The following KIF13B variants were observed in gnomAD, a reference collection of about 807,000 sequenced individuals.
KIF13B encodes the protein kinesin-like protein KIF13B.
Under a neutral mutation model 222.0 loss-of-function variants are expected in KIF13B, and 127 were observed. That is an observed-to-expected ratio of 0.57 (90% CI 0.50 to 0.66). The LOEUF (loss-of-function observed/expected upper bound fraction) is 0.66, where lower values mean the gene tolerates loss of function less well. Among genes scored for constraint, KIF13B ranks in the 30% least tolerant of loss-of-function variants. KIF13B has a pLI of 0.00. For synonymous variants in KIF13B, 976 were observed against 919.0 expected, an observed-to-expected ratio of 1.06 and a Z score of -1.12; for missense variants, 2,173 against 2,379.0, an observed-to-expected ratio of 0.91 and a Z score of 1.80.
chr8:29,249,352 A>C (rs28698018), intron 1 of KIF13B, among the ~76,000 whole-genome samples: 43,032 of 150,842 alleles, frequency 0.29, 7,850 homozygotes, highest in East Asian at 0.64. Flanking sequence ...ATCACTTGAA[A>C]CCAGGAGGTG....
rs759312463 is a variant in KIF13B at position 29,070,531 on chromosome 8, A to C, written c.5454T>G (p.Pro1818=). The C allele has an allele frequency of 6.2e-7, 1 of 1,610,678 alleles. No homozygotes were observed. Among genetic ancestry groups the C allele is most frequent in the Middle Eastern group, 1.7e-4 (1 of 6,060 alleles). Residue 1818 remains proline, a synonymous_variant, in exon 40 of 40, where the codon CCT becomes CCG. Transcript: ENST00000524189. This position sits in a 1 kb window ranked among gnomAD's most constrained non-coding sequence, Gnocchi z 4.1. ...AGCTGGCCCAGGATTTCCGGTTCTC[A>C]GGGTTCTTGTGGCTCCTGTCGGCCT... ...LAKADRSHKN[P]ENRKSWAS
intron 2 of KIF13B, among the ~76,000 whole-genome samples, chr8:29,200,239 AAATT>A (rs1317836018): frequency 2.6e-5 from 4 of 152,324 alleles, no homozygotes; most frequent in East Asian, 1.9e-4. Flanking sequence ...AAAAATAAAT[AAATT>A]AATTAATTAA....
intron 13 of KIF13B, among the ~76,000 whole-genome samples, chr8:29,159,399 C>T (rs1811673657): frequency 6.6e-6 from 1 of 152,182 alleles, no homozygotes; most frequent in Non-Finnish European, 1.5e-5. Flanking sequence ...ATCTGCCCGC[C>T]TCAGCCTCCC....
intron 1 of KIF13B, among the ~76,000 whole-genome samples, chr8:29,247,833 C>CAAAAAAA (rs57720312): frequency 5.5e-5 from 3 of 54,398 alleles, no homozygotes; most frequent in Non-Finnish European, 1.2e-4. Flanking sequence ...GACCCTGTCT[C>CAAAAAAA]AAAAAAAAAA....
intron 36 of KIF13B, among the ~76,000 whole-genome samples, chr8:29,096,289 TTTTC>T (rs1246375495): frequency 6.7e-5 from 7 of 105,028 alleles, no homozygotes; most frequent in African/African-American, 3.1e-4. Context: ...CAGCCCAAGC[TTTTC>T]TTTTTTTTTT....
chr8:29,140,816 C>T (rs1810785785), intron 19 of KIF13B, 199 bp from the exon 20 acceptor site: 1 of 487,992 alleles, frequency 2.0e-6, no homozygotes. Flanking sequence ...TTCCTCATTC[C>T]CATTCACAAT....
intron 10 of KIF13B, among the ~76,000 whole-genome samples, chr8:29,171,182 C>CA (rs909006908): frequency 6.6e-6 from 1 of 152,162 alleles, no homozygotes; most frequent in Non-Finnish European, 1.5e-5. Context: ...GAAGTTACTT[C>CA]ACGTTAAGAG....
At chr8:29,143,003 C>T (rs911062820) in intron 18 of KIF13B, among the ~76,000 whole-genome samples, 1 of 152,074 alleles carries the variant, frequency 6.6e-6, no homozygotes, top group African/African-American at 2.4e-5. Flanking sequence ...CAGGTGCATG[C>T]CAATACACCC....
Position 29,188,529 on chromosome 8 carries a change from G to A in KIF13B, c.302C>T (p.Ala101Val), listed in dbSNP as rs1190214308. 8.7e-6 allele frequency: 14 copies of A among 1,603,532 alleles called. No individual in the cohort carries two copies. Among genetic ancestry groups the A allele is most frequent in the Non-Finnish European group, 1.2e-5 (14 of 1,171,382 alleles). Residue 101 changes from alanine to valine, a missense_variant, in exon 5 of 40, where the codon GCC becomes GTC. Ala to Val is a moderately conservative substitution (Grantham distance 64). Transcript: ENST00000524189. The stretch of plus-strand genomic sequence containing the variant: ...TTTAACATTACCAGTCTGTCCATAG[G>A]CAAAGATACATGCATTGTAGCCATC... ...AFDGYNACIF[A>V]YGQTGSGKSY...
rs772680018 is a variant in KIF13B, at chr8:29,165,712, T to G, written c.1219A>C (p.Met407Leu). The change falls in exon 12 of 40, where the codon ATG (methionine) becomes CTG (leucine). Residue 407 changes from methionine (M) to leucine (L), a missense_variant. Transcript: ENST00000524189. The part of the protein sequence containing the change: ...LEESEKLIQE[M>L]TVTWEEKLRK... ...AATTTCTCCTCCCAGGTCACAGTCA[T>G]TTCCTGGATTAGCTTCTCAGATTCT... 120 of 1,613,820 alleles carry G rather than the reference T, an allele frequency of 7.4e-5. No individual in the cohort carries two copies. Among genetic ancestry groups the G allele is most frequent in the Non-Finnish European group, 9.8e-5 (116 of 1,179,826 alleles).
intron 2 of KIF13B, among the ~76,000 whole-genome samples, chr8:29,212,544 T>C (rs1365016661): frequency 1.3e-5 from 2 of 152,142 alleles, no homozygotes; most frequent in Non-Finnish European, 2.9e-5. Flanking sequence ...TAGACTATTA[T>C]AAAGATTAAT....
chr8:29,165,936 G>A (rs530478974), intron 11 of KIF13B, among the ~76,000 whole-genome samples, 164 bp from the exon 12 acceptor site: 73 of 2,806 alleles, frequency 0.026, no homozygotes, highest in Non-Finnish European at 0.06. Context: ...TCGATTGTCT[G>A]AGGACCACAA....
In KIF13B at chr8:29,190,987, ATTCT is replaced by A. The variant is rs1813155176; in HGVS notation, c.223+6_223+9del. ...CCATCAGTAGTTGACAGGATGCTGGATTCTATTACCTGCATACTTTTCTTTGACA... is the reference window on the plus strand; with the variant it reads ...CCATCAGTAGTTGACAGGATGCTGGAATTACCTGCATACTTTTCTTTGACA... On this transcript the variant is annotated splice_donor_region_variant and intron_variant, in intron 4 of 39. Transcript: ENST00000524189. The A allele has an allele frequency of 1.9e-6, 3 of 1,606,590 alleles. No homozygotes were observed. The African/African-American group carries it at 4.0e-5, about 21-fold the overall frequency.
At chr8:29,142,427 CTGTT>C in intron 18 of KIF13B, 124 bp from the exon 19 acceptor site, 1 of 798,906 alleles carries the variant, frequency 1.3e-6, no homozygotes, top group Non-Finnish European at 2.0e-6. Flanking sequence ...ATCCTTTAAT[CTGTT>C]GATTACAAAG....
At chr8:29,112,253 T>C (rs1809391418) in intron 32 of KIF13B, among the ~76,000 whole-genome samples, 1 of 151,998 alleles carries the variant, frequency 6.6e-6, no homozygotes, top group Non-Finnish European at 1.5e-5. Flanking sequence ...GCCAACGTGG[T>C]GAAATCCCGT....
intron 18 of KIF13B, 102 bp downstream of exon 18, chr8:29,146,276 G>T (rs1460800227): frequency 1.7e-6 from 2 of 1,170,596 alleles, no homozygotes; most frequent in East Asian, 4.7e-5. Context: ...TCTGGACTTG[G>T]GGCAGGCACA....
intron 2 of KIF13B, among the ~76,000 whole-genome samples, chr8:29,216,931 G>A (rs1366181965): frequency 2.0e-5 from 3 of 151,684 alleles, no homozygotes; most frequent in African/African-American, 7.3e-5. Flanking sequence ...TCCATATCTG[G>A]GCCTGTGTCC....
At chr8:29,123,797 G>T (rs915919461) in intron 27 of KIF13B, among the ~76,000 whole-genome samples, 1 of 152,096 alleles carries the variant, frequency 6.6e-6, no homozygotes, top group Non-Finnish European at 1.5e-5. Context: ...TGTATGCTTT[G>T]TGCACTGTAT....
chr8:29,079,190 T>G (rs1807696807), intron 37 of KIF13B, among the ~76,000 whole-genome samples: 1 of 152,200 alleles, frequency 6.6e-6, no homozygotes, highest in Non-Finnish European at 1.5e-5. Context: ...CCTCAATGGA[T>G]GGCTTTTCCA....
Sources: allele counts gnomAD v4.1 joint callset (sites outside exome capture counted in the v4.1 genomes callset), GRCh38; gene constraint gnomAD v4.1.1; non-coding constraint Gnocchi (gnomAD v3.1); transcripts MANE v1.5; gene names NCBI Gene and HGNC (gene_info 2026-07-23, HGNC 2026-07-21).